KLHL1: variants seen among roughly 807,000 people sequenced by gnomAD.
The protein encoded by KLHL1 is kelch like family member 1, also known as kelch-like protein 1.
KLHL1 carries 47 observed loss-of-function variants against 77.7 expected under a neutral mutation model. The observed-to-expected ratio is 0.60, with a 90% CI of 0.48 to 0.77. KLHL1 has a LOEUF of 0.77. KLHL1 is among the 30% of genes least tolerant of loss of function. The probability of loss-of-function intolerance (pLI) is 0.00; values close to 1 mark genes in which losing one functional copy is unlikely to be tolerated. For missense variants in KLHL1, 925 were observed against 910.8 expected (o/e 1.02, Z -0.20); for synonymous variants, 360 against 325.2 (o/e 1.11, Z -1.15).
intron 4 of KLHL1, among the ~76,000 whole-genome samples, chr13:69,915,362 C>T (rs1233444014): frequency 6.6e-6 from 1 of 152,100 alleles, no homozygotes; most frequent in Non-Finnish European, 1.5e-5. Flanking sequence ...GCTACAGTAA[C>T]CAAAACAGCA....
intron 1 of KLHL1, among the ~76,000 whole-genome samples, chr13:70,019,113 C>T (rs1015094215): frequency 6.7e-6 from 1 of 149,956 alleles, no homozygotes; most frequent in African/African-American, 2.5e-5. Context: ...GAGTGTAGAT[C>T]ATTCTTTCAA....
intron 4 of KLHL1, among the ~76,000 whole-genome samples, chr13:69,925,947 C>T (rs541920684): frequency 1.6e-4 from 25 of 152,186 alleles, no homozygotes; most frequent in South Asian, 4.1e-4. Flanking sequence ...TACATTTTCA[C>T]CTCATATAGC....
At chr13:70,017,725 T>A (rs1387811763) in intron 1 of KLHL1, among the ~76,000 whole-genome samples, 1 of 152,074 alleles carries the variant, frequency 6.6e-6, no homozygotes, top group African/African-American at 2.4e-5. Context: ...AAAATCCTAA[T>A]GTTAAAAAGC....
chr13:70,050,353 G>A (rs1330828542), intron 1 of KLHL1, among the ~76,000 whole-genome samples: 1 of 151,420 alleles, frequency 6.6e-6, no homozygotes, highest in African/African-American at 2.4e-5. Context: ...TATCTAGAAA[G>A]TTAAAGTTTT....
At chr13:69,942,282 G>A (rs1571877) in intron 3 of KLHL1, among the ~76,000 whole-genome samples, 106,348 of 151,774 alleles carry the variant, frequency 0.7, 37,639 homozygotes, top group African/African-American at 0.82. Context: ...TTATTGGTGA[G>A]CTTGGAAGGC....
chr13:69,856,990 A>T (rs983475640), intron 5 of KLHL1, among the ~76,000 whole-genome samples: 17 of 152,134 alleles, frequency 1.1e-4, no homozygotes, highest in African/African-American at 3.6e-4. Flanking sequence ...ATATAAATAC[A>T]ATCCTGCTGT....
intron 4 of KLHL1, among the ~76,000 whole-genome samples, chr13:69,884,451 G>A (rs899425549): frequency 2.0e-5 from 3 of 147,824 alleles, no homozygotes; most frequent in East Asian, 2.0e-4. Flanking sequence ...AAAAAACTAC[G>A]TGAAGCTAAA....
chr13:69,775,186 A>C, intron 7 of KLHL1, among the ~76,000 whole-genome samples: 1 of 152,144 alleles, frequency 6.6e-6, no homozygotes, highest in East Asian at 1.9e-4. Context: ...GTGCTAATGC[A>C]TTCCTGCCTA....
intron 1 of KLHL1, among the ~76,000 whole-genome samples, chr13:70,038,628 G>A (rs986062294): frequency 9.3e-6 from 1 of 107,150 alleles, no homozygotes. Context: ...CATTCTTGTC[G>A]CTCAGGGTGG....
chr13:69,985,871 CTGTG>C (rs57793968), intron 1 of KLHL1, among the ~76,000 whole-genome samples: 8 of 145,226 alleles, frequency 5.5e-5, no homozygotes, highest in South Asian at 2.1e-4. Context: ...TAGTATTCCA[CTGTG>C]TGTGTGTGTA....
At position 69,839,014 on chromosome 13, in the gene KLHL1, C is replaced by G; in HGVS notation, c.1376G>C (p.Gly459Ala). 6.2e-7 allele frequency: 1 copy of G among 1,609,696 alleles called. No individual in the cohort carries two copies. The highest frequency in any genetic ancestry group is 8.5e-7 in the Non-Finnish European group (1 of 1,177,700). ...CATTCCTCCTACAGCATACAAAGTT[C>G]CGACTGTAGATTTTCTGGGTTTAGT... ...PRTKPRKSTV[G>A]TLYAVGGMDN... The change falls in exon 6 of 11, where the codon GGA (glycine) becomes GCA (alanine). Residue 459 changes from glycine to alanine, a missense_variant. Physicochemically the swap from Gly to Ala is moderately conservative, Grantham distance 60 (BLOSUM62 0). Coordinates refer to ENST00000377844, the MANE Select transcript of KLHL1 (RefSeq NM_020866.3).
At chr13:69,932,472 G>T (rs1367101090) in intron 4 of KLHL1, among the ~76,000 whole-genome samples, 1 of 151,706 alleles carries the variant, frequency 6.6e-6, no homozygotes, top group African/African-American at 2.4e-5. Context: ...ATCCAGAAGG[G>T]AATACTACAT....
intron 1 of KLHL1, among the ~76,000 whole-genome samples, chr13:70,079,903 G>GT (rs530694246): frequency 1.8e-4 from 28 of 152,292 alleles, no homozygotes; most frequent in East Asian, 1.2e-3. Flanking sequence ...GAAGTGAAGA[G>GT]TTTTTTAGAA....
intron 7 of KLHL1, among the ~76,000 whole-genome samples, chr13:69,762,817 T>TGG (rs1875090652): frequency 6.6e-6 from 1 of 151,652 alleles, no homozygotes; most frequent in South Asian, 2.1e-4. Flanking sequence ...TGTGCACCCA[T>TGG]GGGGTATATC....
At position 69,830,628 on chromosome 13, in the gene KLHL1, A is replaced by G. The variant is rs371215596; in HGVS notation, c.1414+8348T>C. On this transcript the variant is annotated intron_variant, in intron 6 of 10. Transcript: ENST00000377844. ...CAGATATTTAGAGAACATTCTACCC[A>G]ACAGCTGCAGAATATACATTCTATT... is the stretch of plus-strand genomic sequence containing the variant. Among the ~76,000 whole-genome samples, 11 of 150,440 alleles carry G rather than the reference A, an allele frequency of 7.3e-5. No individual in the cohort carries two copies. In the East Asian group the frequency reaches 2.1e-3, roughly 29 times the overall value.
intron 1 of KLHL1, among the ~76,000 whole-genome samples, chr13:70,088,737 G>A (rs963880525): frequency 7.2e-5 from 11 of 151,886 alleles, no homozygotes; most frequent in African/African-American, 2.7e-4. Context: ...ATGAGCTTTT[G>A]CATTTTGCAT....
intron 1 of KLHL1, among the ~76,000 whole-genome samples, chr13:70,040,186 G>A (rs1390381128): frequency 6.6e-6 from 1 of 152,064 alleles, no homozygotes; most frequent in Non-Finnish European, 1.5e-5. Flanking sequence ...GTAAACTCAA[G>A]GGTCAATGGA....
In KLHL1 at chr13:69,757,476, T is replaced by A. The variant is rs753856456; in HGVS notation, c.1640-16920A>T. ...AGCATCATGTATTATTTGACAGTAG[T>A]CCCCATATAACTTAATATGTCAGAT... On this transcript the variant is annotated intron_variant, in intron 7 of 10. Coordinates refer to ENST00000377844, the MANE Select transcript of KLHL1 (RefSeq NM_020866.3). 1.6e-4 allele frequency among the ~76,000 whole-genome samples: 24 copies of A among 152,190 alleles called. 1 individual carries two copies. The highest frequency in any genetic ancestry group is 2.4e-4 in the Non-Finnish European group (16 of 68,018).
intron 1 of KLHL1, among the ~76,000 whole-genome samples, chr13:70,092,296 A>G (rs1204597218): frequency 1.3e-5 from 2 of 152,262 alleles, no homozygotes; most frequent in East Asian, 3.9e-4. Flanking sequence ...CAAAACTACT[A>G]TTTTTATTGT....
Sources: allele counts gnomAD v4.1 joint callset (sites outside exome capture counted in the v4.1 genomes callset), GRCh38; gene constraint gnomAD v4.1.1; transcripts MANE v1.5; gene names NCBI Gene and HGNC (gene_info 2026-07-23, HGNC 2026-07-21).